Variants in THSD4 observed in about 807,000 individuals in gnomAD.
The protein encoded by THSD4 is thrombospondin type 1 domain containing 4, also known as thrombospondin type-1 domain-containing protein 4.
A neutral mutation model predicts 119.0 loss-of-function variants in THSD4; 69 were observed. The observed-to-expected ratio is 0.58, with a 90% CI of 0.48 to 0.71. The LOEUF (loss-of-function observed/expected upper bound fraction) is 0.71. THSD4 is among the 30% of genes least tolerant of loss of function. THSD4 has a pLI of 0.00. For synonymous variants in THSD4, 524 were observed against 540.4 expected (o/e 0.97, Z 0.42); for missense variants, 1,393 against 1,391.1 (o/e 1.00, Z -0.02).
chr15:71,233,205 G>A (rs2044075357), intron 4 of THSD4, among the ~76,000 whole-genome samples: 1 of 152,148 alleles, frequency 6.6e-6, no homozygotes, highest in Non-Finnish European at 1.5e-5. Flanking sequence ...GGTCTTTGGG[G>A]CTTACAGTGT....
intron 7 of THSD4, among the ~76,000 whole-genome samples, chr15:71,539,889 T>C (rs768360458): frequency 1.3e-5 from 2 of 152,164 alleles, no homozygotes; most frequent in Non-Finnish European, 2.9e-5. Flanking sequence ...GGGCTCACTC[T>C]GTATTGATGA....
intron 6 of THSD4, among the ~76,000 whole-genome samples, chr15:71,332,892 A>ATTTTTTTTTTTTTTTTTTTTT: frequency 0.054 from 4,159 of 76,548 alleles, 905 homozygotes; most frequent in Admixed American, 0.076. Flanking sequence ...ATTTTTTTAC[A>ATTTTTTTTTTTTTTTTTTTTT]TTTTTTTTTT....
chr15:71,322,167 G>C (rs2045277871), intron 6 of THSD4, among the ~76,000 whole-genome samples: 1 of 152,098 alleles, frequency 6.6e-6, no homozygotes. Flanking sequence ...GACTTTTTAG[G>C]AACTTTGAGG....
intron 6 of THSD4, among the ~76,000 whole-genome samples, chr15:71,260,274 A>G (rs2044375284): frequency 6.6e-6 from 1 of 152,156 alleles, no homozygotes; most frequent in South Asian, 2.1e-4. Flanking sequence ...GGAAGAACTT[A>G]TTTTTTGAAC....
chr15:71,183,826 C>T (rs623847), intron 3 of THSD4: 132,047 of 151,632 alleles, frequency 0.87, 60,101 homozygotes, highest in East Asian at 1. Context: ...TCCTGTGAGC[C>T]GTTAGAATTT....
intron 6 of THSD4, among the ~76,000 whole-genome samples, chr15:71,409,901 T>G (rs28416887): frequency 6.7e-6 from 1 of 149,994 alleles, no homozygotes; most frequent in Admixed American, 6.7e-5. Flanking sequence ...TTTTTTTTTG[T>G]TTTTTTTACA....
At chr15:71,769,928 TAAAAAAAAAAA>T (rs1181348692) in intron 16 of THSD4, among the ~76,000 whole-genome samples, 1 of 44,300 alleles carries the variant, frequency 2.3e-5, no homozygotes, top group Non-Finnish European at 4.0e-5. Context: ...AAAATAAATT[TAAAAAAAAAAA>T]AAAAAAAAAA....
chr15:71,112,003 C>T (rs1222618705), upstream of THSD4: 3 of 1,108,726 alleles, frequency 2.7e-6, no homozygotes, highest in Admixed American at 2.6e-5. Flanking sequence ...CCATAAGTTT[C>T]CCCCCAAAGG....
At chr15:71,161,046 C>A (rs1406997576) in intron 3 of THSD4, among the ~76,000 whole-genome samples, 1 of 152,010 alleles carries the variant, frequency 6.6e-6, no homozygotes, top group Middle Eastern at 3.2e-3. Context: ...GTTTAATGTT[C>A]ATGTATCTGT....
At chr15:71,766,340 G>C (rs1172345663) in intron 16 of THSD4, among the ~76,000 whole-genome samples, 1 of 152,086 alleles carries the variant, frequency 6.6e-6, no homozygotes, top group African/African-American at 2.4e-5. Flanking sequence ...GTGGGAAGTG[G>C]AGGAAGGGTC....
At chr15:71,599,398 T>A (rs143614429) in intron 7 of THSD4, among the ~76,000 whole-genome samples, 63 of 152,268 alleles carry the variant, frequency 4.1e-4, no homozygotes, top group African/African-American at 1.4e-3. Flanking sequence ...TTTCACATTG[T>A]CACATACTCA....
At chr15:71,294,447 G>A (rs2044834929) in intron 6 of THSD4, among the ~76,000 whole-genome samples, 3 of 152,120 alleles carry the variant, frequency 2.0e-5, no homozygotes, top group Admixed American at 1.3e-4. Flanking sequence ...CTTATCTGAT[G>A]GCACAGGCTG....
intron 7 of THSD4, among the ~76,000 whole-genome samples, chr15:71,656,471 G>A (rs2051195006): frequency 6.6e-6 from 1 of 152,232 alleles, no homozygotes; most frequent in African/African-American, 2.4e-5. Flanking sequence ...AAAAGAGCCA[G>A]TGTAAGAGAG....
Position 71,256,651 on chromosome 15 carries a change from G to A in THSD4, c.951G>A (p.Gln317=), listed in dbSNP as rs774313591. 3.1e-6 allele frequency: 5 copies of A among 1,614,014 alleles called. No individual in the cohort carries two copies. The highest frequency in any genetic ancestry group is 1.3e-5 in the African/African-American group (1 of 74,924). ...PESSRSIREV[Q]CASYNNKPFM... ...GCAGTAGAAGTATCCGGGAGGTACA[G>A]TGTGCATCCTACAACAACAAGCCAT... is the stretch of plus-strand genomic sequence containing the variant. Residue 317 remains glutamine (Q), a synonymous_variant, in exon 6 of 18, where the codon CAG becomes CAA. Transcript: ENST00000261862.
intron 7 of THSD4, among the ~76,000 whole-genome samples, chr15:71,448,311 G>GGCAA (rs2047217123): frequency 6.6e-6 from 1 of 152,168 alleles, no homozygotes; most frequent in African/African-American, 2.4e-5. Context: ...ATTTGCCCAA[G>GGCAA]GCAAAATCAA....
intron 7 of THSD4, among the ~76,000 whole-genome samples, chr15:71,506,355 G>A (rs370370257): frequency 2.0e-5 from 3 of 152,192 alleles, no homozygotes; most frequent in African/African-American, 7.2e-5. Context: ...AAACTGCCCA[G>A]GGTTAAGTAT....
At chr15:71,487,749 T>G (rs1003107585) in intron 7 of THSD4, among the ~76,000 whole-genome samples, 7 of 152,204 alleles carry the variant, frequency 4.6e-5, no homozygotes, top group African/African-American at 1.7e-4. Flanking sequence ...TTTTAAAAAT[T>G]GACTTATATT....
chr15:71,144,949 A>C (rs2040642289), intron 2 of THSD4, among the ~76,000 whole-genome samples: 3 of 152,294 alleles, frequency 2.0e-5, no homozygotes, highest in Admixed American at 2.0e-4. Context: ...TTAGAAAGGA[A>C]ATGGCACTAA....
At chr15:71,733,335 T>G (rs1274766772) in intron 10 of THSD4, 1 of 152,024 alleles carries the variant, frequency 6.6e-6, no homozygotes, top group Non-Finnish European at 1.5e-5. Context: ...CTCAGGCGGG[T>G]CAGCAACCTC....
Sources: gnomAD v4.1 joint callset for allele counts (sites outside exome capture counted in the v4.1 genomes callset) on GRCh38, gnomAD v4.1.1 for gene constraint, MANE v1.5 for transcripts, NCBI Gene and HGNC (gene_info 2026-07-23, HGNC 2026-07-21) for gene names.